The following ECI2 variants were observed in gnomAD, a reference collection of about 807,000 sequenced individuals.
ECI2 encodes D3,D2-enoyl-CoA isomerase.
Under a neutral mutation model 38.4 loss-of-function variants are expected in ECI2, and 27 were observed. That is an observed-to-expected ratio of 0.70 (90% CI 0.52 to 0.97). ECI2 has a LOEUF of 0.97. Among genes scored for constraint, ECI2 ranks in the 50% least tolerant of loss-of-function variants. ECI2 has a pLI of 0.00. For synonymous variants in ECI2, 168 were observed against 172.0 expected, an observed-to-expected ratio of 0.98 and a Z score of 0.18; for missense variants, 470 against 474.4, an observed-to-expected ratio of 0.99 and a Z score of 0.09.
At chr6:4,127,504 T>C (rs769763693) in intron 5 of ECI2, among the ~76,000 whole-genome samples, 2 of 143,864 alleles carry the variant, frequency 1.4e-5, no homozygotes, top group Non-Finnish European at 3.0e-5. Flanking sequence ...AAACTTTGCC[T>C]TCCAGGTTCA....
rs561327185 is a variant in ECI2, at chr6:4,122,761, G to A, written c.795+2489C>T. ...TCCACTTGCCCTGGCCTCCCAAAGT[G>A]CCAGGATTAGAGGCGTGAGCCACTG... On this transcript the variant is annotated intron_variant, in intron 7 of 9. Coordinates refer to ENST00000380118, the MANE Select transcript of ECI2 (RefSeq NM_206836.3). 3.9e-5 allele frequency among the ~76,000 whole-genome samples: 6 copies of A among 152,312 alleles called. No individual in the cohort carries two copies. The South Asian group carries it at 1.2e-3, about 32-fold the overall frequency.
chr6:4,124,567 T>G (rs572734617), intron 7 of ECI2, among the ~76,000 whole-genome samples: 173 of 152,286 alleles, frequency 1.1e-3, no homozygotes, highest in Non-Finnish European at 2.1e-3. Flanking sequence ...AGGGACTGGT[T>G]AAACAAGATA....
intron 4 of ECI2, 72 bp from the exon 5 acceptor site, chr6:4,127,903 A>C: frequency 1.4e-6 from 2 of 1,441,270 alleles, no homozygotes; most frequent in Non-Finnish European, 1.9e-6. Context: ...GACTCAACAA[A>C]TGTCAGGCTG....
intron 4 of ECI2, among the ~76,000 whole-genome samples, chr6:4,128,138 C>T (rs562162078): frequency 4.0e-5 from 6 of 151,862 alleles, no homozygotes; most frequent in African/African-American, 1.2e-4. Context: ...GAGGACTTAA[C>T]ATGTTCAATT....
chr6:4,134,965 G>A (rs1420757824), intron 1 of ECI2: 1 of 369,030 alleles, frequency 2.7e-6, no homozygotes, highest in Non-Finnish European at 5.5e-6. Context: ...TGTTCCCTAT[G>A]CACAGATTCG....
At position 4,133,536 on chromosome 6, in the gene ECI2, C is replaced by T. The variant is rs765938951; in HGVS notation, c.213+13G>A. 4.4e-6 allele frequency: 7 copies of T among 1,593,628 alleles called. No individual in the cohort carries two copies. The highest frequency in any genetic ancestry group is 4.5e-5 in the East Asian group (2 of 44,678). ...CAAAATTCTTTAAATAACGTTCGACCGTAGGCATTTACCTGCTTATATAGC... is the reference window on the plus strand; with the variant it reads ...CAAAATTCTTTAAATAACGTTCGACTGTAGGCATTTACCTGCTTATATAGC... On this transcript the variant is annotated intron_variant, in intron 2 of 9. Coordinates refer to ENST00000380118, the MANE Select transcript of ECI2 (RefSeq NM_206836.3).
intron 7 of ECI2, among the ~76,000 whole-genome samples, chr6:4,124,573 A>G (rs994500015): frequency 2.0e-5 from 3 of 152,218 alleles, no homozygotes; most frequent in Non-Finnish European, 4.4e-5. Flanking sequence ...TGGTTAAACA[A>G]GATAAGTTAA....
intron 7 of ECI2, among the ~76,000 whole-genome samples, chr6:4,124,531 G>A (rs1773017344): frequency 6.6e-6 from 1 of 152,048 alleles, no homozygotes; most frequent in South Asian, 2.1e-4. Context: ...GATAAAAATT[G>A]GAAACAGCCT....
At chr6:4,132,484 C>A (rs1773546242) in intron 2 of ECI2, among the ~76,000 whole-genome samples, 1 of 152,100 alleles carries the variant, frequency 6.6e-6, no homozygotes, top group African/African-American at 2.4e-5. Flanking sequence ...GAGGGCAAAG[C>A]CACACCTCTT....
At chr6:4,125,960 G>GA (rs1561654977) in intron 6 of ECI2, 175 bp downstream of exon 6, 1 of 690,534 alleles carries the variant, frequency 1.4e-6, no homozygotes, top group Admixed American at 2.1e-5. Flanking sequence ...AGGTCAAAGA[G>GA]AAAGAATGAA....
intron 2 of ECI2, among the ~76,000 whole-genome samples, chr6:4,133,044 G>A (rs1349183931): frequency 2.0e-5 from 3 of 152,164 alleles, no homozygotes; most frequent in African/African-American, 7.2e-5. Flanking sequence ...GATTACAGGC[G>A]TGAGCCACCA....
At chr6:4,135,249 G>A in intron 1 of ECI2, 1 of 1,063,066 alleles carries the variant, frequency 9.4e-7, no homozygotes, top group Non-Finnish European at 1.4e-6. Context: ...GGAGGCAGGC[G>A]GAGACCTTGG....
At chr6:4,121,897 T>G (rs1411401408) in intron 7 of ECI2, 8 of 1,035,192 alleles carry the variant, frequency 7.7e-6, no homozygotes, top group Non-Finnish European at 1.1e-5. Flanking sequence ...ATAATCACAA[T>G]ATTTTTAAAA....
rs764091223 is a variant in ECI2, at chr6:4,135,514, G to A, written c.47C>T (p.Pro16Leu). The change falls in exon 1 of 10, where the codon CCG (proline) becomes CTG (leucine). Residue 16 changes from proline (P) to leucine (L), a missense_variant. Transcript: ENST00000380118. ...ACGGCCGGGACTCCAAGCTTACCTC[G>A]GACACGAACGCCGCGCCAGTCTCCA... ...LAWRLARRSCPSSLQVTSFPV... is the reference protein window; with the variant it reads ...LAWRLARRSCLSSLQVTSFPV... 5 of 1,611,896 alleles carry A rather than the reference G, an allele frequency of 3.1e-6. No individual in the cohort carries two copies. The Admixed American group carries it at 5.0e-5, about 16-fold the overall frequency.
At chr6:4,128,987 A>C (rs1773351546) in intron 4 of ECI2, among the ~76,000 whole-genome samples, 1 of 152,180 alleles carries the variant, frequency 6.6e-6, no homozygotes, top group Non-Finnish European at 1.5e-5. Context: ...TGATAACACC[A>C]CACAGCAGGG....
intron 4 of ECI2, among the ~76,000 whole-genome samples, chr6:4,128,148 T>C (rs1165592840): frequency 6.6e-6 from 1 of 151,936 alleles, no homozygotes; most frequent in Non-Finnish European, 1.5e-5. Flanking sequence ...CATGTTCAAT[T>C]TGGAATTAAC....
chr6:4,128,009 TCA>T (rs1416235707), intron 4 of ECI2, among the ~76,000 whole-genome samples, 178 bp from the exon 5 acceptor site: 2 of 152,216 alleles, frequency 1.3e-5, no homozygotes, highest in Admixed American at 6.5e-5. Flanking sequence ...TTTATTCCTT[TCA>T]CAGTTACCTG....
chr6:4,116,599 G>A (rs1052147297), intron 9 of ECI2, among the ~76,000 whole-genome samples: 4 of 151,568 alleles, frequency 2.6e-5, no homozygotes, highest in Admixed American at 1.3e-4. Flanking sequence ...CCACCACCAC[G>A]CCTGGCTAAT....
chr6:4,135,399 T>C, intron 1 of ECI2, 112 bp downstream of exon 1: 1 of 1,574,194 alleles, frequency 6.4e-7, no homozygotes, highest in South Asian at 1.1e-5. Context: ...AGCAAAATCC[T>C]GTTGCCACCT....
Sources: gnomAD v4.1 joint callset for allele counts (sites outside exome capture counted in the v4.1 genomes callset) on GRCh38, gnomAD v4.1.1 for gene constraint, MANE v1.5 for transcripts, NCBI Gene and HGNC (gene_info 2026-07-23, HGNC 2026-07-21) for gene names.